Variants in LTBP1 observed in about 807,000 individuals in gnomAD.
LTBP1 encodes latent-transforming growth factor beta-binding protein 1.
In LTBP1, 129 loss-of-function variants were observed where a neutral mutation model predicts 207.6. That is an observed-to-expected ratio of 0.62 (90% CI 0.54 to 0.72). LTBP1 has a LOEUF of 0.72. LTBP1 is among the 30% of genes least tolerant of loss of function. The pLI, the probability that LTBP1 is intolerant of heterozygous loss-of-function variation, is 0.00. For synonymous variants in LTBP1, 963 were observed against 833.7 expected (o/e 1.16, Z -2.67); for missense variants, 2,281 against 2,217.2 (o/e 1.03, Z -0.58).
At chr2:33,074,934 C>T (rs1572509774) in intron 3 of LTBP1, among the ~76,000 whole-genome samples, 1 of 150,650 alleles carries the variant, frequency 6.6e-6, no homozygotes, top group Non-Finnish European at 1.5e-5. Flanking sequence ...GCCTGTAATC[C>T]CAGCTACTTG....
At chr2:33,139,080 C>T (rs4452122) in intron 5 of LTBP1, among the ~76,000 whole-genome samples, 1 of 148,736 alleles carries the variant, frequency 6.7e-6, no homozygotes, top group South Asian at 2.1e-4. Flanking sequence ...GGATGGTCTC[C>T]ATCTCCTGAC....
chr2:33,042,841 G>A (rs1372710857), intron 3 of LTBP1, among the ~76,000 whole-genome samples: 2 of 152,104 alleles, frequency 1.3e-5, no homozygotes, highest in Non-Finnish European at 2.9e-5. Context: ...AAAATATTTG[G>A]CTGATTATGT....
chr2:33,307,312 TCA>T (rs1184928902), intron 22 of LTBP1, among the ~76,000 whole-genome samples: 9 of 152,222 alleles, frequency 5.9e-5, no homozygotes, highest in Non-Finnish European at 8.8e-5. Flanking sequence ...AATCATATGT[TCA>T]CACAAAGACT....
At chr2:33,397,066 A>G (rs745661323) in intron 32 of LTBP1, 67 bp from the exon 33 acceptor site, 2 of 1,460,658 alleles carry the variant, frequency 1.4e-6, no homozygotes, top group African/African-American at 1.4e-5. Flanking sequence ...CATCATCTAA[A>G]TATCATTTAC....
At chr2:33,190,203 T>C (rs776304322) in intron 7 of LTBP1, among the ~76,000 whole-genome samples, 1 of 152,108 alleles carries the variant, frequency 6.6e-6, no homozygotes, top group African/African-American at 2.4e-5. Context: ...TCCACTCCAT[T>C]ATGTGGTAAT....
chr2:32,967,976 A>G (rs911751676), intron 2 of LTBP1, among the ~76,000 whole-genome samples: 6 of 107,966 alleles, frequency 5.6e-5, no homozygotes, highest in Admixed American at 2.0e-4. Flanking sequence ...TTGCATTTCT[A>G]TCAGTTTGTT....
intron 20 of LTBP1, among the ~76,000 whole-genome samples, chr2:33,296,815 T>TA (rs2093885494): frequency 6.6e-6 from 1 of 152,180 alleles, no homozygotes; most frequent in Non-Finnish European, 1.5e-5. Context: ...TACGGTATCT[T>TA]ACTTCACTAA....
Position 33,047,312 on chromosome 2 carries a change from T to C in LTBP1, c.863+26106T>C, listed in dbSNP as rs2076498413. On this transcript the variant is annotated intron_variant, in intron 3 of 33. Coordinates refer to ENST00000404816, the MANE Select transcript of LTBP1 (RefSeq NM_206943.4). Reference sequence around the variant, plus strand: ...GTGTCCCAGAGATTCTGGTACGTTGTGTCTTTGTTCTCATTGGTTTCAAAG... The same window carrying C: ...GTGTCCCAGAGATTCTGGTACGTTGCGTCTTTGTTCTCATTGGTTTCAAAG... 2.0e-5 allele frequency among the ~76,000 whole-genome samples: 3 copies of C among 152,276 alleles called. No homozygotes were observed. In the South Asian group the frequency reaches 6.2e-4, roughly 32 times the overall value.
chr2:33,166,067 GT>G (rs143905437), intron 5 of LTBP1, among the ~76,000 whole-genome samples: 59,307 of 140,712 alleles, frequency 0.42, 12,114 homozygotes, highest in Non-Finnish European at 0.48. Flanking sequence ...AGTAATGTAT[GT>G]TTTTTTTTTT....
At chr2:33,283,061 CAAA>C (rs201168175) in intron 19 of LTBP1, among the ~76,000 whole-genome samples, 2 of 49,472 alleles carry the variant, frequency 4.0e-5, no homozygotes, top group African/African-American at 7.0e-5. Context: ...GACTCCATCT[CAAA>C]AAAAAAAAAA....
chr2:33,277,175 A>G lies in LTBP1; in HGVS notation c.2992+1252A>G, dbSNP rs554040486. Among the ~76,000 whole-genome samples the G allele has an allele frequency of 2.0e-5, 3 of 152,198 alleles. No homozygotes were observed. In the South Asian group the frequency reaches 6.2e-4, roughly 32 times the overall value. On this transcript the variant is annotated intron_variant, in intron 18 of 33. Transcript: ENST00000404816. ...CAGGCCTGGAGGGAGAGCTAATTAG[A>G]CATTTTTTGGCAGCCTACACTTGCC...
At chr2:33,303,352 CTTTTTT>C (rs762959638) in intron 22 of LTBP1, among the ~76,000 whole-genome samples, 1 of 132,954 alleles carries the variant, frequency 7.5e-6, no homozygotes, top group Non-Finnish European at 1.6e-5. Context: ...GTTAGATTTT[CTTTTTT>C]TTTTTTTTTT....
At chr2:33,074,869 CAAAAAAAAAAAAA>C (rs36211816) in intron 3 of LTBP1, among the ~76,000 whole-genome samples, 20,580 of 131,836 alleles carry the variant, frequency 0.16, 1,922 homozygotes, top group East Asian at 0.34. Context: ...GACTCCATCT[CAAAAAAAAAAAAA>C]AAAAAAAAAA....
chr2:33,378,982 A>G (rs960912286), intron 31 of LTBP1, among the ~76,000 whole-genome samples: 1 of 152,184 alleles, frequency 6.6e-6, no homozygotes, highest in African/African-American at 2.4e-5. Flanking sequence ...TGTTCTGCTA[A>G]GCATCAGTAG....
chr2:33,084,394 G>A (rs1373815167), intron 3 of LTBP1, among the ~76,000 whole-genome samples: 1 of 152,178 alleles, frequency 6.6e-6, no homozygotes, highest in African/African-American at 2.4e-5. Flanking sequence ...GGTTGGGAAG[G>A]TGCTGCTGGT....
At chr2:33,074,867 C>T (rs2077993421) in intron 3 of LTBP1, among the ~76,000 whole-genome samples, 1 of 96,672 alleles carries the variant, frequency 1.0e-5, no homozygotes, top group Non-Finnish European at 2.1e-5. Flanking sequence ...GAGACTCCAT[C>T]TCAAAAAAAA....
chr2:33,266,213 C>T (rs987177117), intron 15 of LTBP1, among the ~76,000 whole-genome samples: 2 of 152,212 alleles, frequency 1.3e-5, no homozygotes, highest in Admixed American at 6.5e-5. Context: ...GCCAGTTGTG[C>T]ATGTGCTTGG....
At chr2:33,111,252 T>C (rs1558650481) in intron 4 of LTBP1, among the ~76,000 whole-genome samples, 1 of 152,184 alleles carries the variant, frequency 6.6e-6, no homozygotes, top group Non-Finnish European at 1.5e-5. Flanking sequence ...CGCTATTGTA[T>C]CAGTGGCCAG....
In LTBP1 at chr2:33,262,838, T is replaced by A; in HGVS notation, c.2518+17T>A. On this transcript the variant is annotated intron_variant, in intron 14 of 33. Transcript: ENST00000404816. ...AGTTTCCAGGTAGCCTGTGTTGATC[T>A]GTGCTGTTTGTCAGAGTATTCTGAA... 1 of 1,546,784 alleles carries A rather than the reference T, an allele frequency of 6.5e-7. No individual in the cohort carries two copies. Among genetic ancestry groups the A allele is most frequent in the Non-Finnish European group, 8.8e-7 (1 of 1,133,122 alleles).
Sources: gnomAD v4.1 joint callset for allele counts (sites outside exome capture counted in the v4.1 genomes callset) on GRCh38, gnomAD v4.1.1 for gene constraint, MANE v1.5 for transcripts, NCBI Gene and HGNC (gene_info 2026-07-23, HGNC 2026-07-21) for gene names.